AGPS: variants seen among roughly 807,000 people sequenced by gnomAD.
The protein encoded by AGPS is alkylglycerone phosphate synthase.
In AGPS, 26 loss-of-function variants were observed where a neutral mutation model predicts 90.7. The ratio of observed to expected loss-of-function variants is 0.29; its 90% CI spans 0.21 to 0.40. The LOEUF (loss-of-function observed/expected upper bound fraction) is 0.40. AGPS is among the 10% of genes least tolerant of loss of function. AGPS has a pLI of 1.00. For missense variants in AGPS, 540 were observed against 816.1 expected, an observed-to-expected ratio of 0.66 and a Z score of 4.12; for synonymous variants, 294 against 285.3, an observed-to-expected ratio of 1.03 and a Z score of -0.31.
chr2:177,466,869 G>A (rs537178198), intron 9 of AGPS, among the ~76,000 whole-genome samples: 3 of 152,246 alleles, frequency 2.0e-5, no homozygotes, highest in African/African-American at 7.2e-5. Context: ...ACAGCTGGGT[G>A]GCTGCAGCTG....
At chr2:177,447,433 G>A (rs573922643) in intron 8 of AGPS, among the ~76,000 whole-genome samples, 1 of 152,028 alleles carries the variant, frequency 6.6e-6, no homozygotes, top group African/African-American at 2.4e-5. Flanking sequence ...CAGAATAATA[G>A]TATTTAATGA....
rs1689180619 is a variant in AGPS at position 177,521,157 on chromosome 2, T to G, written c.1698-112T>G. ...CATGGAGTAGAGGCTGGGAAGAAAC[T>G]GAGATTATATCTTAAACTAATCATT... On this transcript the variant is annotated intron_variant, in intron 17 of 19. Coordinates refer to ENST00000264167, the MANE Select transcript of AGPS (RefSeq NM_003659.4). 7 of 959,880 alleles carry G rather than the reference T, an allele frequency of 7.3e-6. No homozygotes were observed. In the Admixed American group the frequency reaches 1.1e-4, roughly 15 times the overall value. The allele number at this position is 959,880 out of a possible 1,614,324, so 59.5% of individuals were successfully genotyped here.
chr2:177,521,143 G>C (rs1208321472), intron 17 of AGPS, 126 bp from the exon 18 acceptor site: 1 of 854,368 alleles, frequency 1.2e-6, no homozygotes, highest in African/African-American at 1.7e-5. Context: ...ATGGAGTAGA[G>C]GCTGGGAAGA....
rs528051933 is a variant in AGPS, at chr2:177,542,465, A to G, written c.*4270A>G. 8.5e-5 allele frequency: 13 copies of G among 152,284 alleles called. No individual in the cohort carries two copies. The highest frequency in any genetic ancestry group is 2.4e-4 in the African/African-American group (10 of 41,570). 9.4% of individuals were successfully genotyped at this position (152,284 alleles called of 1,614,324 possible). On this transcript the variant is annotated 3_prime_UTR_variant, in exon 20 of 20. Transcript: ENST00000264167. Reference sequence around the variant, plus strand: ...TATAGAACCCTCAAGCCAAAGAACCATCACAGAATTTAGTAACTTTAGTTC... The same window carrying G: ...TATAGAACCCTCAAGCCAAAGAACCGTCACAGAATTTAGTAACTTTAGTTC...
chr2:177,440,893 G>A (rs573260122), intron 5 of AGPS, 72 bp from the exon 6 acceptor site: 1 of 1,295,790 alleles, frequency 7.7e-7, no homozygotes, highest in Non-Finnish European at 1.1e-6. Context: ...AATTTCGTAG[G>A]TTCTTATTTG....
intron 2 of AGPS, among the ~76,000 whole-genome samples, chr2:177,422,643 TG>T (rs1024829798): frequency 6.6e-5 from 10 of 152,126 alleles, no homozygotes; most frequent in African/African-American, 2.4e-4. Flanking sequence ...AACGTATAAA[TG>T]GGATTTAGGT....
intron 1 of AGPS, among the ~76,000 whole-genome samples, chr2:177,396,119 A>G (rs1685165712): frequency 6.6e-6 from 1 of 152,174 alleles, no homozygotes; most frequent in Non-Finnish European, 1.5e-5. Context: ...AGCTTTCTGG[A>G]GAAGATTTTA....
At chr2:177,488,518 TG>T (rs1287144797) in intron 11 of AGPS, among the ~76,000 whole-genome samples, 2 of 152,192 alleles carry the variant, frequency 1.3e-5, no homozygotes, top group African/African-American at 4.8e-5. Flanking sequence ...AATTTTGTTG[TG>T]TGCCTTATTT....
In AGPS at chr2:177,517,902, A is replaced by G. The variant is rs144148867; in HGVS notation, c.1698-3367A>G. ...AAGAATACTGGCCAGTTATCTTGTAAAACATCTCTCAGTTTGAGTTTGTCT... is the reference window on the plus strand; with the variant it reads ...AAGAATACTGGCCAGTTATCTTGTAGAACATCTCTCAGTTTGAGTTTGTCT... On this transcript the variant is annotated intron_variant, in intron 17 of 19. Coordinates refer to ENST00000264167, the MANE Select transcript of AGPS (RefSeq NM_003659.4). 3.3e-5 allele frequency among the ~76,000 whole-genome samples: 5 copies of G among 152,292 alleles called. No homozygotes were observed. In the East Asian group the frequency reaches 9.7e-4, roughly 29 times the overall value.
At chr2:177,514,023 C>A in intron 17 of AGPS, 115 bp downstream of exon 17, 1 of 787,650 alleles carries the variant, frequency 1.3e-6, no homozygotes, top group Non-Finnish European at 2.1e-6. Context: ...TACATTTGGC[C>A]AGCTTTCCTA....
chr2:177,525,255 T>A (rs2079073115), intron 19 of AGPS, among the ~76,000 whole-genome samples: 1 of 152,318 alleles, frequency 6.6e-6, no homozygotes, highest in Admixed American at 6.5e-5. Flanking sequence ...CCTGTAAAAT[T>A]TTCAGAAAGC....
Position 177,438,875 on chromosome 2 carries a change from C to T in AGPS, c.637+1821C>T, listed in dbSNP as rs1389921792. Among the ~76,000 whole-genome samples the T allele has an allele frequency of 2.6e-5, 4 of 152,152 alleles. No homozygotes were observed. The East Asian group carries it at 5.8e-4, about 22-fold the overall frequency. ...AATTTTAATGTGAATTTCCTACTGGCGATGAAGTCCAAGTTTTTCTTTGCA... is the reference window on the plus strand; with the variant it reads ...AATTTTAATGTGAATTTCCTACTGGTGATGAAGTCCAAGTTTTTCTTTGCA... On this transcript the variant is annotated intron_variant, in intron 5 of 19. Transcript: ENST00000264167.
chr2:177,409,456 A>T (rs1685558012), intron 1 of AGPS, among the ~76,000 whole-genome samples: 1 of 144,236 alleles, frequency 6.9e-6, no homozygotes, highest in Non-Finnish European at 1.5e-5. Context: ...TTACTATCTG[A>T]TTGGTTGGGT....
At chr2:177,482,224 T>C in intron 11 of AGPS, 38 bp downstream of exon 11, 1 of 1,102,478 alleles carries the variant, frequency 9.1e-7, no homozygotes, top group East Asian at 3.0e-5. Context: ...TACATACATA[T>C]ATGTTTATGT....
intron 2 of AGPS, among the ~76,000 whole-genome samples, chr2:177,432,155 G>A (rs1479410249): frequency 6.6e-6 from 1 of 152,058 alleles, no homozygotes; most frequent in South Asian, 2.1e-4. Flanking sequence ...GATAATTTTT[G>A]TCCACAGAAT....
chr2:177,445,884 ATAAT>A (rs993314050), intron 8 of AGPS, among the ~76,000 whole-genome samples: 2 of 152,226 alleles, frequency 1.3e-5, no homozygotes, highest in Middle Eastern at 3.2e-3. Context: ...AGTTCGATAA[ATAAT>A]TAATTATTTG....
intron 12 of AGPS, among the ~76,000 whole-genome samples, chr2:177,497,048 T>G (rs1688434134): frequency 6.6e-6 from 1 of 152,024 alleles, no homozygotes; most frequent in South Asian, 2.1e-4. Flanking sequence ...GTTACTACTT[T>G]CTGAAAAGTG....
chr2:177,505,335 G>A (rs549970544), intron 14 of AGPS, among the ~76,000 whole-genome samples, 171 bp from the exon 15 acceptor site: 124 of 152,078 alleles, frequency 8.2e-4, no homozygotes, highest in African/African-American at 2.8e-3. Context: ...TTGAGTTTAT[G>A]AGTCAATTTT....
intron 19 of AGPS, among the ~76,000 whole-genome samples, chr2:177,529,949 G>A (rs185018596): frequency 1.8e-3 from 276 of 152,290 alleles, no homozygotes; most frequent in Middle Eastern, 3.4e-3. Context: ...AACACTTAAC[G>A]TGTTAATCTA....
Sources: allele counts gnomAD v4.1 joint callset (sites outside exome capture counted in the v4.1 genomes callset), GRCh38; gene constraint gnomAD v4.1.1; transcripts MANE v1.5; gene names NCBI Gene and HGNC (gene_info 2026-07-23, HGNC 2026-07-21).